Variants in STYX observed in about 807,000 individuals in gnomAD.
STYX encodes serine/threonine/tyrosine interacting protein, also known as serine/threonine/tyrosine-interacting protein.
Under a neutral mutation model 42.7 loss-of-function variants are expected in STYX, and 20 were observed. The observed-to-expected ratio is 0.47, with a 90% CI of 0.33 to 0.68. The LOEUF (loss-of-function observed/expected upper bound fraction) is 0.68. Among genes scored for constraint, STYX ranks in the 30% least tolerant of loss-of-function variants. STYX has a pLI of 0.02. For synonymous variants in STYX, 78 were observed against 81.9 expected, an observed-to-expected ratio of 0.95 and a Z score of 0.26; for missense variants, 226 against 268.5, an observed-to-expected ratio of 0.84 and a Z score of 1.11.
intron 1 of STYX, among the ~76,000 whole-genome samples, chr14:52,743,878 G>A (rs1191447164): frequency 6.6e-6 from 1 of 152,130 alleles, no homozygotes; most frequent in East Asian, 1.9e-4. Flanking sequence ...AGCTGGAGTG[G>A]TGGGGTGATC....
chr14:52,730,674 G>T, intron 1 of STYX, 143 bp downstream of exon 1: 1 of 862,672 alleles, frequency 1.2e-6, no homozygotes. Flanking sequence ...GAAGCCGAGC[G>T]GTCGGCTCCA....
intron 9 of STYX, among the ~76,000 whole-genome samples, chr14:52,763,417 G>C (rs868128793): frequency 7.2e-5 from 11 of 152,174 alleles, no homozygotes; most frequent in African/African-American, 2.6e-4. Context: ...GTTTGCTGCT[G>C]CTGTTGTGAA....
At chr14:52,742,033 A>G (rs1033741290) in intron 1 of STYX, among the ~76,000 whole-genome samples, 3 of 152,134 alleles carry the variant, frequency 2.0e-5, no homozygotes, top group African/African-American at 4.8e-5. Flanking sequence ...GAGAATATGC[A>G]TTTGCTTCTT....
rs1252745359 is a variant in STYX at position 52,771,380 on chromosome 14, T to C, written c.*274T>C. On this transcript the variant is annotated 3_prime_UTR_variant, in exon 11 of 11. Transcript: ENST00000354586. ...TTATTATAAACCAAGAATTTTGGAC[T>C]TGCAAAGAGGTATTATTGCAATAAT... The C allele has an allele frequency of 1.0e-5, 3 of 288,390 alleles. No individual in the cohort carries two copies. The highest frequency in any genetic ancestry group is 4.3e-5 in the African/African-American group (2 of 46,082). The allele number at this position is 288,390 out of a possible 1,614,324, so 17.9% of individuals were successfully genotyped here.
chr14:52,732,935 T>G (rs1880794269), intron 1 of STYX, among the ~76,000 whole-genome samples: 1 of 152,038 alleles, frequency 6.6e-6, no homozygotes, highest in African/African-American at 2.4e-5. Flanking sequence ...CCTCCCAAAG[T>G]GCTGGGATTA....
At chr14:52,745,733 C>T (rs752081577) in intron 2 of STYX, among the ~76,000 whole-genome samples, 19 of 152,122 alleles carry the variant, frequency 1.2e-4, no homozygotes, top group African/African-American at 1.9e-4. Context: ...CAGGATTAAG[C>T]AGTATCTTGT....
chr14:52,752,175 C>G (rs1391931033), intron 4 of STYX, among the ~76,000 whole-genome samples: 38 of 108,364 alleles, frequency 3.5e-4, no homozygotes, highest in Admixed American at 3.4e-3. Context: ...CAAAACAAAA[C>G]AAAACAAAAA....
intron 1 of STYX, among the ~76,000 whole-genome samples, chr14:52,733,339 T>C (rs115601308): frequency 0.012 from 1,798 of 152,188 alleles, 32 homozygotes; most frequent in African/African-American, 0.041. Flanking sequence ...GAAAACACAC[T>C]CTTTTTTTTA....
rs372975976 is a variant in STYX at position 52,755,683 on chromosome 14, G to GTT, written c.243-849_243-848dup. ...TTCAGTACAGGTGCTCTCTCAGCTA[G>GTT]TTTTTTTTTTTTTTTTTTTTCCCCT... On this transcript the variant is annotated intron_variant, in intron 4 of 10. Transcript: ENST00000354586. Among the ~76,000 whole-genome samples, 601 of 129,712 alleles carry GTT rather than the reference G, an allele frequency of 4.6e-3. 3 individuals carry two copies. Among genetic ancestry groups the GTT allele is most frequent in the Non-Finnish European group, 5.7e-3 (353 of 62,454 alleles). The allele number at this position is 129,712 out of a possible 152,430, so 85.1% of individuals were successfully genotyped here.
rs1210309545 is a variant in STYX at position 52,762,724 on chromosome 14, A to G, written c.504+2970A>G. Among the ~76,000 whole-genome samples, 7 of 152,008 alleles carry G rather than the reference A, an allele frequency of 4.6e-5. No homozygotes were observed. The East Asian group carries it at 1.3e-3, about 29-fold the overall frequency. On this transcript the variant is annotated intron_variant, in intron 9 of 10. Transcript: ENST00000354586. The stretch of plus-strand genomic sequence containing the variant: ...TACTTGTCTCTTAATGCATTAGTAT[A>G]TGGCACCTGTGAAATATCTGACCAT...
At chr14:52,760,136 T>C (rs1194446655) in intron 9 of STYX, among the ~76,000 whole-genome samples, 1 of 151,980 alleles carries the variant, frequency 6.6e-6, no homozygotes, top group East Asian at 1.9e-4. Context: ...AGCCCAGGAG[T>C]TTGAGGCTAC....
intron 6 of STYX, 82 bp downstream of exon 6, chr14:52,757,437 A>G: frequency 8.0e-7 from 1 of 1,246,662 alleles, no homozygotes; most frequent in East Asian, 2.4e-5. Flanking sequence ...TCTTAAATGC[A>G]GGATATGGAA....
chr14:52,747,193 A>G (rs776267212), intron 3 of STYX, among the ~76,000 whole-genome samples: 24 of 152,204 alleles, frequency 1.6e-4, no homozygotes, highest in Non-Finnish European at 2.8e-4. Context: ...TTGCAGTTAA[A>G]ATAGGTAGAT....
intron 1 of STYX, among the ~76,000 whole-genome samples, chr14:52,735,013 A>G (rs935101055): frequency 5.3e-5 from 8 of 151,850 alleles, no homozygotes; most frequent in African/African-American, 1.9e-4. Context: ...GCCGAGATCT[A>G]GCCACTGCAC....
rs72686310 is a variant in STYX at position 52,762,021 on chromosome 14, C to T, written c.504+2267C>T. Among the ~76,000 whole-genome samples, 1,249 of 150,820 alleles carry T rather than the reference C, an allele frequency of 8.3e-3. 9 individuals carry two copies. Among genetic ancestry groups the T allele is most frequent in the Non-Finnish European group, 0.014 (945 of 67,696 alleles). ...GATGGCATCATTGCACTCCAGCCTG[C>T]GGAACAAGAGCAAGACTTCGTCACA... On this transcript the variant is annotated intron_variant, in intron 9 of 10. Coordinates refer to ENST00000354586, the MANE Select transcript of STYX (RefSeq NM_145251.4).
chr14:52,757,945 C>T lies in STYX; in HGVS notation c.431+21C>T, dbSNP rs371541905. 3.1e-6 allele frequency: 5 copies of T among 1,607,472 alleles called. No homozygotes were observed. The East Asian group carries it at 1.1e-4, about 36-fold the overall frequency. ...TACAGGTAAGAAAATACCCTAAAACCTAGCCACAGTTTAAATTCTCATTAA... is the reference window on the plus strand; with the variant it reads ...TACAGGTAAGAAAATACCCTAAAACTTAGCCACAGTTTAAATTCTCATTAA... On this transcript the variant is annotated intron_variant, in intron 8 of 10. Transcript: ENST00000354586.
intron 1 of STYX, among the ~76,000 whole-genome samples, chr14:52,734,109 G>T (rs559288544): frequency 6.6e-6 from 1 of 152,292 alleles, no homozygotes; most frequent in South Asian, 2.1e-4. Flanking sequence ...AGTTGCAAAC[G>T]AAGATTCCAC....
chr14:52,760,377 T>C (rs1882043553), intron 9 of STYX, among the ~76,000 whole-genome samples: 1 of 152,212 alleles, frequency 6.6e-6, no homozygotes, highest in Non-Finnish European at 1.5e-5. Flanking sequence ...GTATACTAAC[T>C]ATAACAGCTT....
chr14:52,766,060 G>A (rs528716742), intron 9 of STYX, among the ~76,000 whole-genome samples: 3 of 152,112 alleles, frequency 2.0e-5, no homozygotes, highest in Non-Finnish European at 2.9e-5. Flanking sequence ...GCAGTGGCGC[G>A]ATCATGGTTC....
Sources: gnomAD v4.1 joint callset for allele counts (sites outside exome capture counted in the v4.1 genomes callset) on GRCh38, gnomAD v4.1.1 for gene constraint, MANE v1.5 for transcripts, NCBI Gene and HGNC (gene_info 2026-07-23, HGNC 2026-07-21) for gene names.